AMPH: variants seen among roughly 807,000 people sequenced by gnomAD.
The protein encoded by AMPH is amphiphysin (Stiff-Mann syndrome with breast cancer 128kD autoantigen).
A neutral mutation model predicts 99.1 loss-of-function variants in AMPH; 49 were observed. That is an observed-to-expected ratio of 0.49 (90% confidence interval 0.39 to 0.63). The LOEUF (loss-of-function observed/expected upper bound fraction) is 0.63. AMPH is among the 20% of genes least tolerant of loss of function. The probability of loss-of-function intolerance (pLI) is 0.00; values close to 1 mark genes in which losing one functional copy is unlikely to be tolerated. For missense variants in AMPH, 759 were observed against 863.4 expected (o/e 0.88, Z 1.52); for synonymous variants, 314 against 317.3 (o/e 0.99, Z 0.11).
At chr7:38,508,961 T>C (rs1164063314) in intron 2 of AMPH, among the ~76,000 whole-genome samples, 3 of 152,158 alleles carry the variant, frequency 2.0e-5, no homozygotes, top group African/African-American at 7.2e-5. Flanking sequence ...TCAAAGACAT[T>C]AGGCCACTGA....
intron 17 of AMPH, among the ~76,000 whole-genome samples, chr7:38,399,412 C>T (rs958372699): frequency 2.0e-5 from 3 of 152,232 alleles, no homozygotes; most frequent in East Asian, 1.9e-4. Flanking sequence ...CTTCCAATGC[C>T]GTATTTACTG....
At chr7:38,564,509 C>A (rs1791659575) in intron 1 of AMPH, among the ~76,000 whole-genome samples, 1 of 152,138 alleles carries the variant, frequency 6.6e-6, no homozygotes, top group South Asian at 2.1e-4. Context: ...ACCTGGGGAC[C>A]AGAGAGCTGG....
At chr7:38,484,778 C>T (rs951219805) in intron 5 of AMPH, among the ~76,000 whole-genome samples, 3 of 151,592 alleles carry the variant, frequency 2.0e-5, no homozygotes, top group Non-Finnish European at 4.4e-5. Flanking sequence ...CTAAGCATAA[C>T]TATAACTAAA....
intron 1 of AMPH, among the ~76,000 whole-genome samples, chr7:38,569,093 C>T (rs564582569): frequency 3.9e-5 from 6 of 152,252 alleles, no homozygotes; most frequent in Admixed American, 2.0e-4. Flanking sequence ...CATGTTTTAA[C>T]ATTACACTTT....
At chr7:38,613,426 C>T (rs1204006281) in intron 1 of AMPH, among the ~76,000 whole-genome samples, 1 of 152,136 alleles carries the variant, frequency 6.6e-6, no homozygotes, top group Admixed American at 6.6e-5. Flanking sequence ...GAGGTGGCTG[C>T]CTTCCAACCA....
At chr7:38,439,121 A>T (rs746761041) in intron 11 of AMPH, among the ~76,000 whole-genome samples, 15 of 152,182 alleles carry the variant, frequency 9.9e-5, no homozygotes, top group Non-Finnish European at 1.9e-4. Context: ...TCCTGCCACC[A>T]TTTAAGATGT....
At chr7:38,444,901 C>T (rs76806880) in intron 11 of AMPH, among the ~76,000 whole-genome samples, 16,856 of 151,122 alleles carry the variant, frequency 0.11, 1,346 homozygotes, top group East Asian at 0.28. Context: ...CATAAAATGA[C>T]AATAATCAAT....
chr7:38,582,916 T>C (rs551471416), intron 1 of AMPH, among the ~76,000 whole-genome samples: 3 of 152,336 alleles, frequency 2.0e-5, no homozygotes, highest in Non-Finnish European at 2.9e-5. Context: ...CAAGCACAAT[T>C]TGGTCCATAG....
At position 38,389,290 on chromosome 7, in the gene AMPH, T is replaced by A. The variant is rs532098562; in HGVS notation, c.1980+514A>T. 5.3e-4 allele frequency among the ~76,000 whole-genome samples: 80 copies of A among 152,318 alleles called. No individual in the cohort carries two copies. The Middle Eastern group carries it at 0.017, about 32-fold the overall frequency. ...AGACCACTCTTTTAGGAAGTGATAT[T>A]TTTAAAGAATCTCTTTAAGTTGAGG... On this transcript the variant is annotated intron_variant, in intron 20 of 20. Coordinates refer to ENST00000356264, the MANE Select transcript of AMPH (RefSeq NM_001635.4).
chr7:38,630,960 C>T (rs1321345246), intron 1 of AMPH, among the ~76,000 whole-genome samples: 3 of 152,132 alleles, frequency 2.0e-5, no homozygotes, highest in East Asian at 1.9e-4. Context: ...AGCTGCCGCA[C>T]CTCCTACTTC....
At chr7:38,401,640 C>T (rs1558618) in intron 17 of AMPH, among the ~76,000 whole-genome samples, 147,255 of 152,300 alleles carry the variant, frequency 0.97, 71,250 homozygotes, top group East Asian at 1. Context: ...ACCTTTAGTA[C>T]TGATATGGAT....
intron 15 of AMPH, among the ~76,000 whole-genome samples, chr7:38,423,952 T>C (rs1376000154): frequency 6.6e-6 from 1 of 152,132 alleles, no homozygotes; most frequent in Non-Finnish European, 1.5e-5. Context: ...ATCAGGAAGG[T>C]AGAAGCACTG....
At chr7:38,556,798 T>C (rs1791380091) in intron 1 of AMPH, among the ~76,000 whole-genome samples, 1 of 152,150 alleles carries the variant, frequency 6.6e-6, no homozygotes, top group African/African-American at 2.4e-5. Flanking sequence ...ATCCCCATTA[T>C]GTGCTAGACA....
chr7:38,593,917 A>G (rs1418462954), intron 1 of AMPH, among the ~76,000 whole-genome samples: 2 of 152,206 alleles, frequency 1.3e-5, no homozygotes, highest in Non-Finnish European at 2.9e-5. Flanking sequence ...AAATGAGGTC[A>G]AAGAGGGAAC....
At chr7:38,530,025 G>A (rs1353187628) in intron 2 of AMPH, among the ~76,000 whole-genome samples, 2 of 151,946 alleles carry the variant, frequency 1.3e-5, no homozygotes, top group Non-Finnish European at 2.9e-5. Flanking sequence ...TCACGAAACC[G>A]CTTGCAAAAA....
chr7:38,503,495 C>CAGG (rs1554348723), intron 3 of AMPH, among the ~76,000 whole-genome samples, 155 bp downstream of exon 3: 1 of 86,192 alleles, frequency 1.2e-5, no homozygotes, highest in African/African-American at 4.2e-5. Flanking sequence ...GAATTTGGGG[C>CAGG]GGGGGGGTGG....
At chr7:38,623,291 T>C (rs1302944704) in intron 1 of AMPH, among the ~76,000 whole-genome samples, 1 of 152,206 alleles carries the variant, frequency 6.6e-6, no homozygotes, top group African/African-American at 2.4e-5. Context: ...TAACCAAATA[T>C]GCTTGTGTTA....
intron 1 of AMPH, among the ~76,000 whole-genome samples, chr7:38,574,726 T>C (rs1390881606): frequency 6.6e-6 from 1 of 152,126 alleles, no homozygotes; most frequent in African/African-American, 2.4e-5. Context: ...TTCTAGGCCT[T>C]CCAAATTTAT....
intron 1 of AMPH, among the ~76,000 whole-genome samples, chr7:38,586,674 G>C (rs534838237): frequency 2.6e-4 from 40 of 152,228 alleles, no homozygotes; most frequent in African/African-American, 9.2e-4. Context: ...GAAACACAAA[G>C]GTACACACAG....
Sources: gnomAD v4.1 joint callset for allele counts (sites outside exome capture counted in the v4.1 genomes callset) on GRCh38, gnomAD v4.1.1 for gene constraint, MANE v1.5 for transcripts, NCBI Gene and HGNC (gene_info 2026-07-23, HGNC 2026-07-21) for gene names.